CDK13: variants seen among roughly 807,000 people sequenced by gnomAD.
CDK13 encodes the protein cyclin dependent kinase 13, also known as cyclin-dependent kinase 13.
Under a neutral mutation model 137.6 loss-of-function variants are expected in CDK13, and 40 were observed. The ratio of observed to expected loss-of-function variants is 0.29; its 90% CI spans 0.23 to 0.38. CDK13 has a LOEUF of 0.38. Ranked by LOEUF, CDK13 falls within the 10% of genes least tolerant of loss-of-function variation. The probability of loss-of-function intolerance (pLI) is 1.00; values close to 1 mark genes in which losing one functional copy is unlikely to be tolerated. For synonymous variants in CDK13, 869 were observed against 760.1 expected (o/e 1.14, Z -2.36); for missense variants, 1,704 against 1,951.8 (o/e 0.87, Z 2.39).
intron 6 of CDK13, among the ~76,000 whole-genome samples, chr7:40,047,207 T>G (rs1341014451): frequency 6.6e-6 from 1 of 152,204 alleles, no homozygotes; most frequent in Non-Finnish European, 1.5e-5. Flanking sequence ...AGTGAACTTC[T>G]TGGAAGTGTG....
chr7:39,999,293 T>C (rs921730335), intron 3 of CDK13, 68 bp from the exon 4 acceptor site: 15 of 1,314,284 alleles, frequency 1.1e-5, no homozygotes, highest in African/African-American at 1.5e-5. Context: ...CGAGTAGATA[T>C]TGAGTTATTA....
intron 11 of CDK13, among the ~76,000 whole-genome samples, chr7:40,081,272 G>T (rs1044959158): frequency 6.6e-6 from 1 of 152,064 alleles, no homozygotes; most frequent in African/African-American, 2.4e-5. Flanking sequence ...ATGTTACTTT[G>T]TACCATTATT....
At chr7:39,996,373 A>G (rs1016668359) in intron 2 of CDK13, among the ~76,000 whole-genome samples, 2 of 152,200 alleles carry the variant, frequency 1.3e-5, no homozygotes, top group African/African-American at 4.8e-5. Flanking sequence ...ATGTCACATT[A>G]TATTAGATGA....
intron 11 of CDK13, among the ~76,000 whole-genome samples, chr7:40,083,209 T>C (rs1786710156): frequency 6.6e-6 from 1 of 151,308 alleles, no homozygotes; most frequent in African/African-American, 2.4e-5. Flanking sequence ...TGGTGACTCA[T>C]GCCTGTAATC....
At chr7:39,996,399 C>G (rs1387412372) in intron 2 of CDK13, among the ~76,000 whole-genome samples, 1 of 152,024 alleles carries the variant, frequency 6.6e-6, no homozygotes, top group Non-Finnish European at 1.5e-5. Flanking sequence ...TTTGTCATAT[C>G]AGGGAAATTT....
intron 2 of CDK13, among the ~76,000 whole-genome samples, chr7:39,992,163 G>GGGGGTGT (rs550297232): frequency 2.1e-5 from 3 of 146,310 alleles, no homozygotes; most frequent in Admixed American, 6.7e-5. Flanking sequence ...AACTAATGAG[G>GGGGGTGT]GTGTGTGTGT....
At chr7:40,002,073 A>G (rs755233257) in intron 5 of CDK13, 42 bp downstream of exon 5, 10 of 1,453,776 alleles carry the variant, frequency 6.9e-6, no homozygotes, top group Non-Finnish European at 9.3e-6. Flanking sequence ...TGTATTCATG[A>G]TTGATGTTGC....
At chr7:40,044,226 G>A (rs188847835) in intron 5 of CDK13, among the ~76,000 whole-genome samples, 4 of 151,562 alleles carry the variant, frequency 2.6e-5, no homozygotes, top group Admixed American at 2.6e-4. Flanking sequence ...TTAAAGTTTA[G>A]TCCTGGTCAT....
intron 12 of CDK13, among the ~76,000 whole-genome samples, chr7:40,089,617 C>T (rs1786870609): frequency 6.6e-6 from 1 of 151,584 alleles, no homozygotes; most frequent in South Asian, 2.1e-4. Flanking sequence ...CCTCATTTTG[C>T]CTAAAACATC....
intron 1 of CDK13, among the ~76,000 whole-genome samples, chr7:39,979,216 CTT>C (rs71560152): frequency 9.2e-5 from 12 of 130,858 alleles, no homozygotes; most frequent in Non-Finnish European, 1.1e-4. Context: ...TCTTTTTTTT[CTT>C]TTTTTTTTTT....
chr7:40,073,625 CT>C (rs1305235754), intron 9 of CDK13: 1 of 146,388 alleles, frequency 6.8e-6, no homozygotes, highest in African/African-American at 2.6e-5. Flanking sequence ...CAGAGCCTCG[CT>C]GTGTTGCCAG....
intron 5 of CDK13, among the ~76,000 whole-genome samples, chr7:40,026,679 G>A (rs1785250806): frequency 6.6e-6 from 1 of 152,186 alleles, no homozygotes; most frequent in Non-Finnish European, 1.5e-5. Context: ...AAAACATGCT[G>A]TTGGAAAGGC....
chr7:40,074,289 G>A (rs1036555279), intron 9 of CDK13, among the ~76,000 whole-genome samples: 2 of 152,170 alleles, frequency 1.3e-5, no homozygotes, highest in Non-Finnish European at 1.5e-5. Flanking sequence ...TTGGGAGGCC[G>A]AGGTGGGCGG....
intron 9 of CDK13, chr7:40,069,592 A>G: frequency 3.8e-6 from 1 of 262,780 alleles, no homozygotes; most frequent in Non-Finnish European, 7.8e-6. Flanking sequence ...GGTTGTTTAT[A>G]GGCTCAGGAA....
intron 1 of CDK13, among the ~76,000 whole-genome samples, chr7:39,961,506 T>G (rs1321140849): frequency 1.3e-5 from 2 of 152,118 alleles, no homozygotes; most frequent in Non-Finnish European, 2.9e-5. Context: ...CCCTATACAC[T>G]CCTCTCCCCT....
At chr7:40,035,074 AACTCTT>A (rs1785453103) in intron 5 of CDK13, among the ~76,000 whole-genome samples, 1 of 152,142 alleles carries the variant, frequency 6.6e-6, no homozygotes, top group East Asian at 1.9e-4. Flanking sequence ...CACACAGATA[AACTCTT>A]AGAGTTTTGA....
chr7:40,065,903 A>G (rs1693553772), intron 9 of CDK13, among the ~76,000 whole-genome samples: 1 of 152,214 alleles, frequency 6.6e-6, no homozygotes, highest in South Asian at 2.1e-4. Context: ...TAAAGAAATT[A>G]AAAGACTGAA....
At chr7:39,976,199 A>G (rs753139937) in intron 1 of CDK13, among the ~76,000 whole-genome samples, 1 of 151,824 alleles carries the variant, frequency 6.6e-6, no homozygotes, top group Non-Finnish European at 1.5e-5. Context: ...AGGCTAAGGC[A>G]GGAGAATCAC....
rs1435756093 is a variant in CDK13, at chr7:40,094,683, T to C, written c.4242T>C (p.Ala1414=). 1.2e-6 allele frequency: 2 copies of C among 1,614,248 alleles called. No homozygotes were observed. The highest frequency in any genetic ancestry group is 2.2e-5 in the East Asian group (1 of 44,888). ...VAGYGDIYLN[A]GPMLFSGDKD... The stretch of plus-strand genomic sequence containing the variant: ...GATATGGAGACATTTACCTCAATGC[T>C]GGTCCCATGTTGTTTAGTGGAGACA... The change falls in exon 14 of 14, where the codon GCT becomes GCC. Residue 1414 remains alanine (A), a synonymous_variant. Transcript: ENST00000181839.
Sources: gnomAD v4.1 joint callset for allele counts (sites outside exome capture counted in the v4.1 genomes callset) on GRCh38, gnomAD v4.1.1 for gene constraint, MANE v1.5 for transcripts, NCBI Gene and HGNC (gene_info 2026-07-23, HGNC 2026-07-21) for gene names.